Variants in SYNPR observed in about 807,000 individuals in gnomAD.
SYNPR encodes the protein synaptoporin.
In SYNPR, 23 loss-of-function variants were observed where a neutral mutation model predicts 32.9. The ratio of observed to expected loss-of-function variants is 0.70; its 90% CI spans 0.50 to 0.99. The LOEUF (loss-of-function observed/expected upper bound fraction) is 0.99. Ranked by LOEUF, SYNPR falls within the 50% of genes least tolerant of loss-of-function variation. The pLI is 0.00. For synonymous variants in SYNPR, 146 were observed against 135.9 expected (o/e 1.07, Z -0.52); for missense variants, 318 against 349.3 (o/e 0.91, Z 0.71).
At chr3:63,446,931 A>G (rs1386079200) in intron 2 of SYNPR, among the ~76,000 whole-genome samples, 2 of 152,210 alleles carry the variant, frequency 1.3e-5, no homozygotes, top group Non-Finnish European at 2.9e-5. Flanking sequence ...AGAGTGCAGT[A>G]CACAATAAAA....
At chr3:63,207,871 G>A in the SYNPR span, among the ~76,000 whole-genome samples, 1 of 152,006 alleles carries the variant, frequency 6.6e-6, no homozygotes, top group Non-Finnish European at 1.5e-5. Context: ...AAACCCAAGA[G>A]GCTTCTTCAC....
chr3:63,469,824 T>C (rs1181224836), intron 2 of SYNPR, among the ~76,000 whole-genome samples: 2 of 152,242 alleles, frequency 1.3e-5, no homozygotes, highest in African/African-American at 4.8e-5. Context: ...AAAATGTTCT[T>C]CCACTTTATA....
rs561452181 is a variant in SYNPR, at chr3:63,339,703, G to A, written c.84+60961G>A. 7.9e-5 allele frequency among the ~76,000 whole-genome samples: 12 copies of A among 151,660 alleles called. No individual in the cohort carries two copies. The South Asian group carries it at 2.5e-3, about 32-fold the overall frequency. On this transcript the variant is annotated intron_variant, in intron 2 of 5. Transcript: ENST00000478300. ...GATGGAGTTTCGCTCTGTCACCCAGGCTTGAGTGCTGTGGCGAGATCTCAG... is the reference window on the plus strand; with the variant it reads ...GATGGAGTTTCGCTCTGTCACCCAGACTTGAGTGCTGTGGCGAGATCTCAG...
intron 1 of SYNPR, among the ~76,000 whole-genome samples, chr3:63,236,168 C>G (rs921588894): frequency 6.6e-6 from 1 of 151,398 alleles, no homozygotes; most frequent in Admixed American, 6.6e-5. Context: ...TTGCCTCTGT[C>G]AAAAATTTGT....
the SYNPR span, among the ~76,000 whole-genome samples, chr3:63,201,541 G>T: frequency 5.3e-5 from 8 of 151,946 alleles, no homozygotes; most frequent in Non-Finnish European, 1.0e-4. Context: ...AGCAAAACAT[G>T]ATTTTCCTGC....
intron 4 of SYNPR, among the ~76,000 whole-genome samples, chr3:63,558,259 A>G (rs1026229077): frequency 6.6e-6 from 1 of 152,246 alleles, no homozygotes; most frequent in Non-Finnish European, 1.5e-5. Flanking sequence ...ACCCAGTCTC[A>G]GGTATTGTGT....
chr3:63,225,168 C>G (rs1182545167), upstream of SYNPR, among the ~76,000 whole-genome samples: 1 of 152,188 alleles, frequency 6.6e-6, no homozygotes, highest in Admixed American at 6.5e-5. Flanking sequence ...AAGTGTGTCA[C>G]AGGGAGTGAC....
chr3:63,458,383 C>G (rs1425556107), intron 2 of SYNPR, among the ~76,000 whole-genome samples: 1 of 151,970 alleles, frequency 6.6e-6, no homozygotes, highest in Non-Finnish European at 1.5e-5. Flanking sequence ...TTGACTGGGC[C>G]CACTCATGTA....
intron 2 of SYNPR, chr3:63,443,529 T>A: frequency 3.2e-6 from 5 of 1,557,740 alleles, no homozygotes; most frequent in Non-Finnish European, 4.4e-6. Context: ...TGCATGTATG[T>A]GTCTCCATAG....
At chr3:63,363,835 A>G (rs1057306547) in intron 2 of SYNPR, among the ~76,000 whole-genome samples, 2 of 152,194 alleles carry the variant, frequency 1.3e-5, no homozygotes, top group African/African-American at 4.8e-5. Context: ...TAAGACTCAT[A>G]TAATACCATT....
intron 2 of SYNPR, among the ~76,000 whole-genome samples, chr3:63,452,937 C>A (rs995838602): frequency 1.3e-5 from 2 of 152,096 alleles, no homozygotes; most frequent in Non-Finnish European, 2.9e-5. Context: ...TAAAATGGAA[C>A]TTTGTATGTA....
At chr3:63,345,557 G>A (rs73108944) in intron 2 of SYNPR, among the ~76,000 whole-genome samples, 6,173 of 152,198 alleles carry the variant, frequency 0.041, 193 homozygotes, top group South Asian at 0.078. Flanking sequence ...GAGCCTGGCT[G>A]AGGTGACCTT....
intron 4 of SYNPR, among the ~76,000 whole-genome samples, chr3:63,584,159 C>G (rs1703142219): frequency 6.6e-6 from 1 of 152,088 alleles, no homozygotes; most frequent in Admixed American, 6.6e-5. Flanking sequence ...CAATGAATGA[C>G]TCCAGCCTTG....
At chr3:63,236,145 A>T (rs1428748788) in intron 1 of SYNPR, among the ~76,000 whole-genome samples, 3 of 151,730 alleles carry the variant, frequency 2.0e-5, no homozygotes, top group Non-Finnish European at 4.4e-5. Context: ...TCTTCCTTCA[A>T]TGCATTGCTT....
intron 3 of SYNPR, among the ~76,000 whole-genome samples, chr3:63,536,472 G>A (rs1702210844): frequency 6.6e-6 from 1 of 152,104 alleles, no homozygotes; most frequent in Non-Finnish European, 1.5e-5. Flanking sequence ...TATTGACAAG[G>A]CTGTGGAAAA....
At chr3:63,375,817 C>T (rs974566088) in intron 2 of SYNPR, among the ~76,000 whole-genome samples, 2 of 152,094 alleles carry the variant, frequency 1.3e-5, no homozygotes, top group African/African-American at 4.8e-5. Context: ...TATCTCTGTC[C>T]TTTACTTGCC....
At chr3:63,494,882 CAG>C (rs1701342359) in intron 3 of SYNPR, among the ~76,000 whole-genome samples, 1 of 152,132 alleles carries the variant, frequency 6.6e-6, no homozygotes, top group Non-Finnish European at 1.5e-5. Flanking sequence ...CCCACAATTG[CAG>C]AGACTTCCTC....
intron 2 of SYNPR, chr3:63,443,370 GA>G: frequency 6.4e-7 from 1 of 1,563,142 alleles, no homozygotes; most frequent in Non-Finnish European, 8.7e-7. Context: ...TGTGGACAGA[GA>G]AGCTTTATTT....
At chr3:63,227,681 A>G (rs2086139143), upstream of SYNPR, among the ~76,000 whole-genome samples, 1 of 152,206 alleles carries the variant, frequency 6.6e-6, no homozygotes, top group Admixed American at 6.5e-5. Context: ...TTTCATTACC[A>G]TTCGAGGCAG....
Sources: allele counts gnomAD v4.1 joint callset (sites outside exome capture counted in the v4.1 genomes callset), GRCh38; gene constraint gnomAD v4.1.1; transcripts MANE v1.5; gene names NCBI Gene and HGNC (gene_info 2026-07-23, HGNC 2026-07-21).